ERMP1: variants seen among roughly 807,000 people sequenced by gnomAD.
ERMP1 encodes endoplasmic reticulum metallopeptidase 1.
In ERMP1, 86 loss-of-function variants were observed where a neutral mutation model predicts 92.0. The ratio of observed to expected loss-of-function variants is 0.93; its 90% CI spans 0.79 to 1.12. The LOEUF (loss-of-function observed/expected upper bound fraction) is 1.12. Ranked by LOEUF, ERMP1 falls within the 50% of genes most tolerant of loss-of-function variation. The pLI is 0.00. For missense variants in ERMP1, 1,342 were observed against 1,116.3 expected (o/e 1.20, Z -2.88); for synonymous variants, 530 against 412.8 (o/e 1.28, Z -3.44).
rs1288042235 is a variant in ERMP1 at position 5,826,793 on chromosome 9, A to T, written c.641-1574T>A. ...TGAGTTACTTTAAAATAGAGAGCAAACAATAAAATGTTTCTTTATTCAAAA... is the reference window on the plus strand; with the variant it reads ...TGAGTTACTTTAAAATAGAGAGCAATCAATAAAATGTTTCTTTATTCAAAA... On this transcript the variant is annotated intron_variant, in intron 2 of 14. Transcript: ENST00000339450. 4.6e-5 allele frequency among the ~76,000 whole-genome samples: 7 copies of T among 152,338 alleles called. No individual in the cohort carries two copies. In the East Asian group the frequency reaches 7.7e-4, roughly 17 times the overall value.
At chr9:5,799,464 C>T (rs926941844) in intron 11 of ERMP1, among the ~76,000 whole-genome samples, 1 of 152,054 alleles carries the variant, frequency 6.6e-6, no homozygotes, top group African/African-American at 2.4e-5. Context: ...AGGCACCGTG[C>T]TCCATTTGAA....
At chr9:5,802,793 T>A (rs1475674446) in intron 10 of ERMP1, among the ~76,000 whole-genome samples, 1 of 152,106 alleles carries the variant, frequency 6.6e-6, no homozygotes, top group African/African-American at 2.4e-5. Context: ...ACAAGTGGGG[T>A]CAGGAGGAGA....
At chr9:5,848,919 A>G (rs74968715) in intron 6 of ERMP1, among the ~76,000 whole-genome samples, 1 of 152,324 alleles carries the variant, frequency 6.6e-6, no homozygotes, top group East Asian at 1.9e-4. Context: ...GTGGCTTACT[A>G]TGGTTAGATG....
At chr9:5,847,433 T>C (rs531281023) in intron 6 of ERMP1, among the ~76,000 whole-genome samples, 119 of 152,006 alleles carry the variant, frequency 7.8e-4, no homozygotes, top group African/African-American at 2.8e-3. Flanking sequence ...GAGAAGGAGT[T>C]TCACCATGTT....
At chr9:5,843,724 A>T (rs1830197398) in intron 6 of ERMP1, among the ~76,000 whole-genome samples, 1 of 152,032 alleles carries the variant, frequency 6.6e-6, no homozygotes, top group Admixed American at 6.6e-5. Flanking sequence ...TTGCTGATGC[A>T]GAGCCGAAGA....
In ERMP1 at chr9:5,832,748, G is replaced by GCTGCAGCGAGAGCTGCACCAGCGT; in HGVS notation, c.256_279dup (p.Thr86_Gln93dup). 2 of 1,497,474 alleles carry GCTGCAGCGAGAGCTGCACCAGCGT rather than the reference G, an allele frequency of 1.3e-6. No homozygotes were observed. The highest frequency in any genetic ancestry group is 2.8e-5 in the East Asian group (1 of 35,158). The allele number at this position is 1,497,474 out of a possible 1,614,324, so 92.8% of individuals were successfully genotyped here. A position where few individuals can be genotyped will look rare whatever the true frequency, so the allele number is the denominator to read the frequency against. ...CCAGCGGCCCCGCGTAGCACGAGCT[G>GCTGCAGCGAGAGCTGCACCAGCGT]CTGCAGCGAGAGCTGCACCAGCGTC... On this transcript the variant is annotated inframe_insertion, in exon 1 of 15. Coordinates refer to ENST00000339450, the MANE Select transcript of ERMP1 (RefSeq NM_024896.3).
chr9:5,834,133 T>G (rs574366020), upstream of ERMP1, among the ~76,000 whole-genome samples: 1 of 152,332 alleles, frequency 6.6e-6, no homozygotes, highest in South Asian at 2.1e-4. Flanking sequence ...TGCTTCTTAT[T>G]TCCAGCTCTC....
At chr9:5,839,616 C>G (rs1206466493) in intron 6 of ERMP1, among the ~76,000 whole-genome samples, 2 of 151,772 alleles carry the variant, frequency 1.3e-5, no homozygotes, top group African/African-American at 4.8e-5. Flanking sequence ...ACCTGGAGAC[C>G]CCCAGCACTT....
chr9:5,825,383 T>TGACAATCACACCCACA (rs1829694171), intron 2 of ERMP1, among the ~76,000 whole-genome samples, 164 bp from the exon 3 acceptor site: 1 of 152,216 alleles, frequency 6.6e-6, no homozygotes, highest in Non-Finnish European at 1.5e-5. Context: ...CCACCAGCAG[T>TGACAATCACACCCACA]AAGTTCCATG....
chr9:5,847,889 C>T (rs1314096522), intron 6 of ERMP1, among the ~76,000 whole-genome samples: 9 of 147,918 alleles, frequency 6.1e-5, no homozygotes, highest in East Asian at 2.0e-4. Context: ...AGCGAGACTC[C>T]GTCTAAAAAA....
At chr9:5,847,674 T>C (rs1830254158) in intron 6 of ERMP1, among the ~76,000 whole-genome samples, 1 of 151,902 alleles carries the variant, frequency 6.6e-6, no homozygotes, top group Non-Finnish European at 1.5e-5. Flanking sequence ...GGCGGGCGGA[T>C]CATGAGGTCA....
chr9:5,859,855 T>TA (rs1490871108), intron 5 of ERMP1, among the ~76,000 whole-genome samples: 3 of 152,200 alleles, frequency 2.0e-5, no homozygotes, highest in Non-Finnish European at 4.4e-5. Context: ...AAGTGTATCA[T>TA]TACTAAGTAT....
At chr9:5,802,441 G>C (rs974642088) in intron 10 of ERMP1, among the ~76,000 whole-genome samples, 5 of 152,152 alleles carry the variant, frequency 3.3e-5, no homozygotes, top group Admixed American at 2.6e-4. Context: ...CTGGAGTGCA[G>C]AGGCACGATC....
At chr9:5,848,999 A>ATTATTT (rs956262096) in intron 6 of ERMP1, among the ~76,000 whole-genome samples, 3 of 151,948 alleles carry the variant, frequency 2.0e-5, no homozygotes, top group East Asian at 1.9e-4. Flanking sequence ...AGTTAGTTTG[A>ATTATTT]TTATTTTTAT....
intron 8 of ERMP1, 73 bp downstream of exon 8, chr9:5,809,938 T>C: frequency 1.9e-6 from 2 of 1,068,130 alleles, no homozygotes; most frequent in East Asian, 4.8e-5. Flanking sequence ...CCAAATACAA[T>C]GAATCACACT....
rs770458720 is a variant in ERMP1, at chr9:5,810,105, T to C, written c.1454A>G (p.Tyr485Cys). 4 of 1,613,954 alleles carry C rather than the reference T, an allele frequency of 2.5e-6. No individual in the cohort carries two copies. Among genetic ancestry groups the C allele is most frequent in the South Asian group, 2.2e-5 (2 of 91,076 alleles). The change falls in exon 8 of 15, where the codon TAT (tyrosine) becomes TGT (cysteine). Residue 485 changes from tyrosine (Y) to cysteine (C), a missense_variant. Transcript: ENST00000339450. ...ISLIGQSLSW[Y>C]NHFYVSVCLY... ...ACAAACGGAGACATAGAAGTGGTTA[T>C]ACCATGAGAGAGACTGTCCAATAAG...
chr9:5,805,272 A>G, intron 9 of ERMP1, 55 bp from the exon 10 acceptor site: 1 of 1,373,758 alleles, frequency 7.3e-7, no homozygotes. Context: ...GTGAGATATA[A>G]ATTTTTATAG....
At chr9:5,862,927 G>T (rs944562645) in intron 5 of ERMP1, among the ~76,000 whole-genome samples, 1 of 152,216 alleles carries the variant, frequency 6.6e-6, no homozygotes, top group African/African-American at 2.4e-5. Flanking sequence ...CTTAAATGAG[G>T]CAGTGTTAAT....
intron 1 of ERMP1, chr9:5,832,473 C>A: frequency 2.1e-6 from 1 of 469,910 alleles, no homozygotes; most frequent in Non-Finnish European, 3.7e-6. Context: ...CCAATCTGCA[C>A]CACGAGCTTA....
Sources: allele counts gnomAD v4.1 joint callset (sites outside exome capture counted in the v4.1 genomes callset), GRCh38; gene constraint gnomAD v4.1.1; transcripts MANE v1.5; gene names NCBI Gene and HGNC (gene_info 2026-07-23, HGNC 2026-07-21).